MITD1: variants seen among roughly 807,000 people sequenced by gnomAD.
MITD1 encodes microtubule interacting and trafficking domain containing 1.
MITD1 carries 24 observed loss-of-function variants against 34.9 expected under a neutral mutation model. The ratio of observed to expected loss-of-function variants is 0.69; its 90% CI spans 0.50 to 0.97. The LOEUF (loss-of-function observed/expected upper bound fraction) is 0.97. Ranked by LOEUF, MITD1 falls within the 50% of genes least tolerant of loss-of-function variation. The probability of loss-of-function intolerance (pLI) is 0.00; values close to 1 mark genes in which losing one functional copy is unlikely to be tolerated. For missense variants in MITD1, 266 were observed against 294.6 expected (o/e 0.90, Z 0.71); for synonymous variants, 102 against 101.4 (o/e 1.01, Z -0.04).
chr2:99,164,843 T>C (rs768136337), downstream of MITD1, among the ~76,000 whole-genome samples: 8 of 148,214 alleles, frequency 5.4e-5, no homozygotes, highest in Non-Finnish European at 1.0e-4. Flanking sequence ...AGTAATACCA[T>C]GTTTCTCCAG....
At chr2:99,167,794 G>A (rs77785995), downstream of MITD1, among the ~76,000 whole-genome samples, 546 of 152,248 alleles carry the variant, frequency 3.6e-3, 20 homozygotes, top group East Asian at 0.072. Context: ...ATACAGCTTA[G>A]TAAATTAGTT....
intron 1 of MITD1, among the ~76,000 whole-genome samples, chr2:99,179,291 A>G (rs771655710): frequency 1.3e-5 from 2 of 152,192 alleles, no homozygotes; most frequent in African/African-American, 2.4e-5. Context: ...GGGATTCAGT[A>G]TACCAGAGTC....
At chr2:99,167,998 G>T (rs1429096331), downstream of MITD1, among the ~76,000 whole-genome samples, 2 of 152,078 alleles carry the variant, frequency 1.3e-5, no homozygotes, top group Admixed American at 6.6e-5. Context: ...TTGTTCCCAT[G>T]GTCTCTACCT....
downstream of MITD1, among the ~76,000 whole-genome samples, chr2:99,165,267 A>G (rs760074447): frequency 2.0e-5 from 3 of 151,934 alleles, no homozygotes; most frequent in Middle Eastern, 3.2e-3. Context: ...AGGTTTCACT[A>G]TGTTGGCCAG....
intron 7 of MITD1, chr2:99,162,884 T>G (rs767769678): frequency 1.2e-6 from 2 of 1,612,922 alleles, no homozygotes; most frequent in Admixed American, 3.3e-5. Context: ...GAATTGAAAT[T>G]TGTAATATTG....
downstream of MITD1, among the ~76,000 whole-genome samples, chr2:99,165,875 G>A (rs1217182859): frequency 6.6e-6 from 1 of 152,142 alleles, no homozygotes; most frequent in African/African-American, 2.4e-5. Context: ...TGGAAGTAGC[G>A]ACAGGGGCCT....
At chr2:99,180,689 T>A in intron 1 of MITD1, 142 bp downstream of exon 1, 1 of 730,818 alleles carries the variant, frequency 1.4e-6, no homozygotes, top group Non-Finnish European at 2.4e-6. Flanking sequence ...GGCCCAGTTG[T>A]CCTATAGAAT....
At chr2:99,163,296 T>C in intron 7 of MITD1, 1 of 332,950 alleles carries the variant, frequency 3.0e-6, no homozygotes, top group Non-Finnish European at 5.5e-6. Context: ...ATCCTCTTTC[T>C]TCTCTTTCTT....
intron 7 of MITD1, chr2:99,162,504 A>G: frequency 6.2e-7 from 1 of 1,614,172 alleles, no homozygotes; most frequent in Non-Finnish European, 8.5e-7. Flanking sequence ...TTTATTATGT[A>G]GTACTGATGG....
At chr2:99,177,110 C>T (rs189086626) in intron 1 of MITD1, among the ~76,000 whole-genome samples, 2 of 152,186 alleles carry the variant, frequency 1.3e-5, no homozygotes, top group Admixed American at 1.3e-4. Flanking sequence ...TCTAGCTTTC[C>T]CCCATCCCTC....
At chr2:99,165,061 C>CACACACACACACACACATAT (rs370053233), downstream of MITD1, among the ~76,000 whole-genome samples, 5 of 135,280 alleles carry the variant, frequency 3.7e-5, no homozygotes, top group African/African-American at 1.1e-4. Flanking sequence ...CACACACACA[C>CACACACACACACACACATAT]ATATATATAT....
At chr2:99,177,763 A>G (rs988789721) in intron 1 of MITD1, among the ~76,000 whole-genome samples, 1 of 152,068 alleles carries the variant, frequency 6.6e-6, no homozygotes, top group African/African-American at 2.4e-5. Flanking sequence ...TCAGTCTCCC[A>G]AAGTACTGGG....
chr2:99,173,130 C>T, intron 2 of MITD1: 1 of 158,572 alleles, frequency 6.3e-6, no homozygotes, highest in Non-Finnish European at 1.4e-5. Flanking sequence ...CAAATCGGGG[C>T]TAAGGAAACA....
At chr2:99,173,662 T>C (rs2093870121) in intron 2 of MITD1, 1 of 523,682 alleles carries the variant, frequency 1.9e-6, no homozygotes, top group Non-Finnish European at 3.5e-6. Context: ...CCAGTAAGTA[T>C]AGCTTTCATG....
At chr2:99,169,506 T>C (rs1427218955) in intron 6 of MITD1, 36 bp from the exon 7 acceptor site, 2 of 1,604,134 alleles carry the variant, frequency 1.2e-6, no homozygotes, top group African/African-American at 2.7e-5. Context: ...TTAAAAATGA[T>C]ACAAAAACAG....
intron 7 of MITD1, chr2:99,162,988 T>A: frequency 6.2e-7 from 1 of 1,613,458 alleles, no homozygotes; most frequent in Non-Finnish European, 8.5e-7. Flanking sequence ...ACTACCATGC[T>A]AACAAATATA....
At chr2:99,166,238 T>A (rs2093825992), downstream of MITD1, among the ~76,000 whole-genome samples, 1 of 150,852 alleles carries the variant, frequency 6.6e-6, no homozygotes. Context: ...TGGGAGAACT[T>A]CGGTATTTAA....
chr2:99,172,613 T>C (rs2093864987), intron 2 of MITD1: 1 of 152,074 alleles, frequency 6.6e-6, no homozygotes, highest in Non-Finnish European at 1.5e-5. Flanking sequence ...CTGGGCATGG[T>C]GGCTCACACT....
intron 1 of MITD1, among the ~76,000 whole-genome samples, chr2:99,177,340 C>A (rs2093893777): frequency 6.6e-6 from 1 of 152,142 alleles, no homozygotes; most frequent in Admixed American, 6.5e-5. Flanking sequence ...TGCCAGTGCC[C>A]CCTCCTTATC....
Sources: allele counts gnomAD v4.1 joint callset (sites outside exome capture counted in the v4.1 genomes callset), GRCh38; gene constraint gnomAD v4.1.1; transcripts MANE v1.5; gene names NCBI Gene and HGNC (gene_info 2026-07-23, HGNC 2026-07-21).